The following ZEB1 variants were observed in gnomAD, a reference collection of about 807,000 sequenced individuals.
The protein encoded by ZEB1 is zinc finger E-box-binding homeobox 1.
ZEB1 carries 21 observed loss-of-function variants against 84.9 expected under a neutral mutation model. The ratio of observed to expected loss-of-function variants is 0.25; its 90% confidence interval spans 0.18 to 0.36. The LOEUF (loss-of-function observed/expected upper bound fraction) is 0.36. Ranked by LOEUF, ZEB1 falls within the 10% of genes least tolerant of loss-of-function variation. The pLI is 1.00. For synonymous variants in ZEB1, 420 were observed against 471.1 expected, an observed-to-expected ratio of 0.89 and a Z score of 1.41; for missense variants, 1,104 against 1,330.2, an observed-to-expected ratio of 0.83 and a Z score of 2.65.
intron 1 of ZEB1, among the ~76,000 whole-genome samples, chr10:31,343,777 A>C (rs2039811980): frequency 6.6e-6 from 1 of 152,114 alleles, no homozygotes; most frequent in African/African-American, 2.4e-5. Flanking sequence ...CAGATGAAAT[A>C]CTACTAAGTG....
chr10:31,336,110 A>C (rs1419620298), intron 1 of ZEB1, among the ~76,000 whole-genome samples: 2 of 152,202 alleles, frequency 1.3e-5, no homozygotes, highest in Non-Finnish European at 2.9e-5. Flanking sequence ...GGAGACTTGA[A>C]CATTGTAATG....
chr10:31,469,125 C>A (rs1326307539), intron 2 of ZEB1, among the ~76,000 whole-genome samples: 1 of 152,162 alleles, frequency 6.6e-6, no homozygotes, highest in Non-Finnish European at 1.5e-5. Context: ...CTTCAAAACA[C>A]TGTTGAAAGC....
chr10:31,482,376 CA>C (rs748530435), intron 2 of ZEB1, among the ~76,000 whole-genome samples: 1 of 150,600 alleles, frequency 6.6e-6, no homozygotes, highest in Non-Finnish European at 1.5e-5. Context: ...AGCAACTTGT[CA>C]AAGACAAACA....
At chr10:31,472,713 C>T (rs2063447897) in intron 2 of ZEB1, among the ~76,000 whole-genome samples, 1 of 136,210 alleles carries the variant, frequency 7.3e-6, no homozygotes, top group East Asian at 2.0e-4. Flanking sequence ...TTTTATGAGG[C>T]CAGCATCATT....
intron 1 of ZEB1, among the ~76,000 whole-genome samples, chr10:31,405,597 T>C (rs923767803): frequency 6.6e-6 from 1 of 152,160 alleles, no homozygotes; most frequent in African/African-American, 2.4e-5. Context: ...AATTTAGAAA[T>C]TTATAAGCCC....
intron 1 of ZEB1, among the ~76,000 whole-genome samples, chr10:31,427,137 A>C (rs1229164280): frequency 6.6e-6 from 1 of 152,134 alleles, no homozygotes; most frequent in African/African-American, 2.4e-5. Flanking sequence ...GTAATTCAAA[A>C]AAAAAATCCA....
chr10:31,338,248 ATTTTG>A (rs2038611984), intron 1 of ZEB1, among the ~76,000 whole-genome samples: 1 of 152,162 alleles, frequency 6.6e-6, no homozygotes, highest in Admixed American at 6.5e-5. Flanking sequence ...TTTACATTTT[ATTTTG>A]TTTATCAAAC....
chr10:31,421,928 T>C (rs1564801683), intron 1 of ZEB1, among the ~76,000 whole-genome samples: 1 of 152,016 alleles, frequency 6.6e-6, no homozygotes, highest in Non-Finnish European at 1.5e-5. Context: ...AATCACAGTA[T>C]TCCCCCCCTC....
intron 1 of ZEB1, among the ~76,000 whole-genome samples, chr10:31,341,011 G>A (rs1451247571): frequency 6.6e-6 from 1 of 152,144 alleles, no homozygotes; most frequent in African/African-American, 2.4e-5. Context: ...TTGGAGTTGA[G>A]TCTGGAGAGA....
At position 31,520,274 on chromosome 10, in the gene ZEB1, A is replaced by C; in HGVS notation, c.942A>C (p.Ser314=). The C allele has an allele frequency of 6.2e-7, 1 of 1,613,980 alleles. No homozygotes were observed. Among genetic ancestry groups the C allele is most frequent in the Non-Finnish European group, 8.5e-7 (1 of 1,179,898 alleles). Residue 314 remains serine (S), a synonymous_variant, in exon 7 of 9, where the codon TCA becomes TCC. Coordinates refer to ENST00000424869, the MANE Select transcript of ZEB1 (RefSeq NM_001174096.2). This position sits in a 1 kb window ranked among gnomAD's most constrained non-coding sequence, Gnocchi z 5.1. ...RTGLKTSQCS[S]PSLSASPGSP... ...GACTCAAGACATCTCAGTGTTCTTCACCGTCTCTTTCAGCATCACCAGGCA... is the reference window on the plus strand; with the variant it reads ...GACTCAAGACATCTCAGTGTTCTTCCCCGTCTCTTTCAGCATCACCAGGCA...
At chr10:31,474,886 A>G (rs1199138509) in intron 2 of ZEB1, among the ~76,000 whole-genome samples, 10 of 152,188 alleles carry the variant, frequency 6.6e-5, no homozygotes, top group Admixed American at 2.0e-4. Context: ...CAGCCATAAA[A>G]AAGGATGAGT....
chr10:31,326,391 T>G (rs1161691570), intron 1 of ZEB1, among the ~76,000 whole-genome samples: 2 of 152,214 alleles, frequency 1.3e-5, no homozygotes, highest in African/African-American at 4.8e-5. Context: ...CTGAATCTCT[T>G]TTGATACACT....
chr10:31,327,441 T>G (rs1263170929), intron 1 of ZEB1, among the ~76,000 whole-genome samples: 1 of 152,214 alleles, frequency 6.6e-6, no homozygotes, highest in Admixed American at 6.5e-5. Flanking sequence ...TAGCATTGTT[T>G]GATAGCTAGA....
chr10:31,424,734 ATT>A (rs948699205), intron 1 of ZEB1, among the ~76,000 whole-genome samples: 6 of 151,904 alleles, frequency 3.9e-5, no homozygotes, highest in African/African-American at 1.4e-4. Context: ...GATGTACCTT[ATT>A]TTCCTTAAGT....
chr10:31,462,886 A>G (rs1312747889), intron 2 of ZEB1, among the ~76,000 whole-genome samples: 3 of 152,292 alleles, frequency 2.0e-5, no homozygotes, highest in South Asian at 2.1e-4. Context: ...GTAGTTGCCC[A>G]TGGGATGGGA....
intron 1 of ZEB1, among the ~76,000 whole-genome samples, chr10:31,377,616 T>C (rs1248691440): frequency 6.6e-6 from 1 of 151,840 alleles, no homozygotes; most frequent in African/African-American, 2.4e-5. Context: ...ACATGTACTA[T>C]TTCAAGGCTT....
chr10:31,441,739 T>C (rs1186417417), intron 1 of ZEB1, among the ~76,000 whole-genome samples: 1 of 152,070 alleles, frequency 6.6e-6, no homozygotes, highest in Non-Finnish European at 1.5e-5. Context: ...AAAAAGTAGG[T>C]GAAGGATATG....
intron 1 of ZEB1, among the ~76,000 whole-genome samples, chr10:31,408,231 A>G (rs2053527375): frequency 6.6e-6 from 1 of 150,666 alleles, no homozygotes; most frequent in African/African-American, 2.4e-5. Flanking sequence ...ACCACTGGTC[A>G]AGGAAATAAA....
intron 1 of ZEB1, chr10:31,363,029 G>C (rs2043641362): frequency 7.2e-6 from 11 of 1,533,742 alleles, no homozygotes; most frequent in African/African-American, 1.4e-5. Flanking sequence ...CACCTCAGTT[G>C]CAGGGGAGGG....
Sources: gnomAD v4.1 joint callset for allele counts (sites outside exome capture counted in the v4.1 genomes callset) on GRCh38, gnomAD v4.1.1 for gene constraint, Gnocchi (gnomAD v3.1) non-coding constraint, MANE v1.5 for transcripts, NCBI Gene and HGNC (gene_info 2026-07-23, HGNC 2026-07-21) for gene names.